The following DIAPH2 variants were observed in gnomAD, a reference collection of about 807,000 sequenced individuals.
DIAPH2 encodes the protein protein diaphanous homolog 2.
DIAPH2 carries 35 observed loss-of-function variants against 92.7 expected under a neutral mutation model. The ratio of observed to expected loss-of-function variants is 0.38; its 90% CI spans 0.29 to 0.50. The LOEUF (loss-of-function observed/expected upper bound fraction) is 0.50, where lower values mean the gene tolerates loss of function less well. DIAPH2 is among the 20% of genes least tolerant of loss of function. The pLI is 0.94. For synonymous variants in DIAPH2, 301 were observed against 280.4 expected (o/e 1.07, Z -0.73); for missense variants, 701 against 819.5 (o/e 0.86, Z 1.77).
At chrX:97,301,080 G>A (rs989009747) in intron 23 of DIAPH2, among the ~76,000 whole-genome samples, 15 of 100,884 alleles carry the variant, frequency 1.5e-4, no homozygotes, top group Non-Finnish European at 2.6e-4. Context: ...GAGGTGGGCG[G>A]ATTACAAAGT....
intron 1 of DIAPH2, among the ~76,000 whole-genome samples, chrX:96,695,243 G>A (rs1362556448): frequency 2.7e-5 from 3 of 112,337 alleles, no homozygotes; most frequent in South Asian, 3.6e-4. Context: ...GAGCCACAAC[G>A]CCTGGCGCTA....
At chrX:97,391,709 TA>T (rs1274424937) in intron 25 of DIAPH2, among the ~76,000 whole-genome samples, 1 of 111,672 alleles carries the variant, frequency 9.0e-6, no homozygotes, top group Non-Finnish European at 1.9e-5. Flanking sequence ...TTAGTAGATG[TA>T]ACTTAGCAAA....
Position 96,900,668 on chromosome X carries a change from G to A in DIAPH2, c.588-11660G>A, listed in dbSNP as rs1004020763. The stretch of plus-strand genomic sequence containing the variant: ...TTGAGGATTTTTATCATAAAGGGAT[G>A]GTGGATTTTATCAAATGCTCTTTCT... On this transcript the variant is annotated intron_variant, in intron 5 of 26. Coordinates refer to ENST00000324765, the MANE Select transcript of DIAPH2 (RefSeq NM_006729.5). Among the ~76,000 whole-genome samples the A allele has an allele frequency of 1.8e-4, 20 of 111,330 alleles. 1 individual carries two copies. The highest frequency in any genetic ancestry group is 7.5e-5 in the Non-Finnish European group (4 of 53,046).
intron 21 of DIAPH2, among the ~76,000 whole-genome samples, chrX:97,135,822 A>G (rs1358755329): frequency 2.7e-5 from 3 of 111,964 alleles, no homozygotes; most frequent in African/African-American, 9.7e-5. Context: ...AGTTATAGGC[A>G]CATGATAGAT....
chrX:97,546,498 G>A (rs937308685), intron 26 of DIAPH2, among the ~76,000 whole-genome samples: 4 of 110,949 alleles, frequency 3.6e-5, no homozygotes, highest in African/African-American at 6.6e-5. Context: ...CTGTCATGAC[G>A]CTGCCAATAG....
chrX:96,821,994 C>A (rs902932783), intron 4 of DIAPH2, among the ~76,000 whole-genome samples: 1 of 111,907 alleles, frequency 8.9e-6, no homozygotes, highest in African/African-American at 3.2e-5. Flanking sequence ...ATGTCTGCTT[C>A]AGATTTGCCT....
At chrX:96,903,683 A>C (rs2065414506) in intron 5 of DIAPH2, among the ~76,000 whole-genome samples, 1 of 111,588 alleles carries the variant, frequency 9.0e-6, no homozygotes, top group African/African-American at 3.2e-5. Flanking sequence ...TTGTCATTCA[A>C]ATTTTTTGGT....
intron 23 of DIAPH2, 152 bp from the exon 24 acceptor site, chrX:97,347,964 A>T: frequency 1.9e-6 from 1 of 531,918 alleles, no homozygotes; most frequent in South Asian, 3.2e-5. Flanking sequence ...AATCTGTGGT[A>T]TTTTACCATG....
At chrX:96,997,044 G>T (rs1182712189) in intron 17 of DIAPH2, among the ~76,000 whole-genome samples, 1 of 111,929 alleles carries the variant, frequency 8.9e-6, no homozygotes, top group Admixed American at 9.5e-5. Context: ...GTTTCATGGT[G>T]ATAGTTTTTC....
chrX:96,717,816 GTATATATATATATATATATATATA>G lies in DIAPH2; in HGVS notation c.133-17922_133-17899del, dbSNP rs61272505. On this transcript the variant is annotated intron_variant, in intron 1 of 26. Coordinates refer to ENST00000324765, the MANE Select transcript of DIAPH2 (RefSeq NM_006729.5). ...GTTTTTTAATTTTTGTGGGTATATA[GTATATATATATATATATATATATA>G]TATATATATATATATATATTCACAT... Among the ~76,000 whole-genome samples, 77 of 36,375 alleles carry G rather than the reference GTATATATATATATATATATATATA, an allele frequency of 2.1e-3. 1 individual carries two copies. The highest frequency in any genetic ancestry group is 0.012 in the Admixed American group (31 of 2,548). 31.6% of individuals were successfully genotyped at this position (36,375 alleles called of 115,157 possible).
At chrX:96,730,579 T>G (rs777066154) in intron 1 of DIAPH2, among the ~76,000 whole-genome samples, 9 of 112,015 alleles carry the variant, frequency 8.0e-5, no homozygotes, top group Non-Finnish European at 1.3e-4. Context: ...TGATGTTGAT[T>G]ACCTTTCTCA....
At chrX:97,171,015 T>G (rs1175850810) in intron 22 of DIAPH2, among the ~76,000 whole-genome samples, 1 of 110,732 alleles carries the variant, frequency 9.0e-6, no homozygotes, top group Non-Finnish European at 1.9e-5. Flanking sequence ...TAGCTGGAAT[T>G]ACAGGCACGC....
intron 5 of DIAPH2, among the ~76,000 whole-genome samples, chrX:96,887,521 G>A (rs1234827593): frequency 1.8e-5 from 2 of 111,214 alleles, no homozygotes; most frequent in Non-Finnish European, 3.8e-5. Flanking sequence ...ACAGGCTTAC[G>A]AAATGTATGT....
intron 26 of DIAPH2, among the ~76,000 whole-genome samples, chrX:97,478,613 G>A (rs1371494321): frequency 8.9e-6 from 1 of 111,957 alleles, no homozygotes; most frequent in Non-Finnish European, 1.9e-5. Flanking sequence ...AAAACAGTAG[G>A]CTTGGAAAGT....
intron 3 of DIAPH2, among the ~76,000 whole-genome samples, chrX:96,742,413 A>G (rs972444426): frequency 2.7e-5 from 3 of 111,710 alleles, no homozygotes; most frequent in African/African-American, 9.8e-5. Flanking sequence ...GCACAGAAAG[A>G]TTATTCATTT....
chrX:96,937,080 A>G (rs1178605744), intron 10 of DIAPH2, among the ~76,000 whole-genome samples, 153 bp from the exon 11 acceptor site: 3 of 112,117 alleles, frequency 2.7e-5, no homozygotes, highest in Non-Finnish European at 1.9e-5. Flanking sequence ...AGAAAAATTT[A>G]GCTACAATTA....
intron 4 of DIAPH2, among the ~76,000 whole-genome samples, chrX:96,781,096 C>T (rs964925601): frequency 9.0e-6 from 1 of 111,420 alleles, no homozygotes; most frequent in East Asian, 2.8e-4. Context: ...GAGTGAGCCA[C>T]CGTGCCGGGC....
intron 23 of DIAPH2, among the ~76,000 whole-genome samples, chrX:97,287,991 C>T (rs949463463): frequency 9.9e-6 from 1 of 101,050 alleles, no homozygotes; most frequent in African/African-American, 3.7e-5. Context: ...TTAATGCCTT[C>T]ACAAAGACAA....
intron 22 of DIAPH2, among the ~76,000 whole-genome samples, chrX:97,226,436 C>A (rs904577959): frequency 2.7e-5 from 3 of 110,864 alleles, no homozygotes; most frequent in Non-Finnish European, 3.8e-5. Context: ...TGCAATGGCG[C>A]GATCTCGGCT....
Sources: gnomAD v4.1 joint callset for allele counts (sites outside exome capture counted in the v4.1 genomes callset) on GRCh38, gnomAD v4.1.1 for gene constraint, MANE v1.5 for transcripts, NCBI Gene and HGNC (gene_info 2026-07-23, HGNC 2026-07-21) for gene names.